The following GRIA2 variants were observed in gnomAD, a reference collection of about 807,000 sequenced individuals.
GRIA2 encodes glutamate ionotropic receptor AMPA type subunit 2.
A neutral mutation model predicts 97.3 loss-of-function variants in GRIA2; 14 were observed. The observed-to-expected ratio is 0.14, with a 90% CI of 0.10 to 0.23. GRIA2 has a LOEUF of 0.23. Ranked by LOEUF, GRIA2 falls within the 10% of genes least tolerant of loss-of-function variation. The pLI is 1.00. For synonymous variants in GRIA2, 412 were observed against 387.8 expected, an observed-to-expected ratio of 1.06 and a Z score of -0.73; for missense variants, 558 against 1,069.8, an observed-to-expected ratio of 0.52 and a Z score of 6.67.
At chr4:157,347,326 G>T (rs1348815862) in intron 12 of GRIA2, among the ~76,000 whole-genome samples, 1 of 152,124 alleles carries the variant, frequency 6.6e-6, no homozygotes, top group East Asian at 1.9e-4. Flanking sequence ...AATGTGCTCT[G>T]TAACCATGCA....
rs1239084402 is a variant in GRIA2 at position 157,334,036 on chromosome 4, A to G, written c.1182A>G (p.Lys394=). ...RKIGYWSEVD[K]MVVTLTELPS... ...TTGGCTACTGGAGTGAAGTGGACAA[A>G]ATGGTTGTTACCCTTACTGAGCTCC... Residue 394 remains lysine, a synonymous_variant, in exon 9 of 16, where the codon AAA becomes AAG. Transcript: ENST00000264426. 3.7e-6 allele frequency: 6 copies of G among 1,607,012 alleles called. No individual in the cohort carries two copies. Among genetic ancestry groups the G allele is most frequent in the Non-Finnish European group, 4.3e-6 (5 of 1,174,152 alleles).
At chr4:157,358,632 T>G (rs578163803) in intron 12 of GRIA2, among the ~76,000 whole-genome samples, 1 of 152,216 alleles carries the variant, frequency 6.6e-6, no homozygotes, top group South Asian at 2.1e-4. Context: ...TGAGCCTGTC[T>G]CAATACAACA....
At chr4:157,360,787 T>A (rs1369547471) in intron 13 of GRIA2, 2 of 604,362 alleles carry the variant, frequency 3.3e-6, no homozygotes, top group Non-Finnish European at 6.2e-6. Flanking sequence ...CTCCCCATAT[T>A]AGCACTCTTT....
intron 2 of GRIA2, among the ~76,000 whole-genome samples, chr4:157,295,652 C>A (rs1427846525): frequency 2.6e-5 from 4 of 151,964 alleles, no homozygotes; most frequent in Non-Finnish European, 5.9e-5. Flanking sequence ...AAAGAATTTG[C>A]CCCAGTGGAA....
chr4:157,330,991 C>G (rs532611953), intron 6 of GRIA2, among the ~76,000 whole-genome samples: 1 of 151,790 alleles, frequency 6.6e-6, no homozygotes, highest in Non-Finnish European at 1.5e-5. Context: ...ATTTAACTAT[C>G]CAATCAAAAA....
intron 6 of GRIA2, among the ~76,000 whole-genome samples, chr4:157,325,976 A>T (rs1734787345): frequency 6.6e-6 from 1 of 152,028 alleles, no homozygotes; most frequent in Admixed American, 6.6e-5. Context: ...ATGTCTCTCC[A>T]TTTCACTTGG....
At chr4:157,227,064 T>A (rs1351917079) in intron 2 of GRIA2, among the ~76,000 whole-genome samples, 1 of 152,138 alleles carries the variant, frequency 6.6e-6, no homozygotes, top group Non-Finnish European at 1.5e-5. Flanking sequence ...GTTGAAATAT[T>A]CTATTTTGAG....
chr4:157,359,764 T>C (rs2126998109), intron 12 of GRIA2, 132 bp from the exon 13 acceptor site: 1 of 729,556 alleles, frequency 1.4e-6, no homozygotes, highest in South Asian at 2.0e-5. Flanking sequence ...TGAAAAAAAT[T>C]GTTGAAAGAT....
intron 2 of GRIA2, among the ~76,000 whole-genome samples, chr4:157,268,834 A>C (rs1250921506): frequency 6.6e-6 from 1 of 152,066 alleles, no homozygotes; most frequent in Non-Finnish European, 1.5e-5. Flanking sequence ...AAAAAATAGA[A>C]AGAATTTAAA....
intron 12 of GRIA2, among the ~76,000 whole-genome samples, chr4:157,350,507 A>C (rs1231741220): frequency 6.6e-6 from 1 of 152,032 alleles, no homozygotes; most frequent in Non-Finnish European, 1.5e-5. Flanking sequence ...TCCAAAAATT[A>C]AGATTTCAGA....
At chr4:157,312,930 C>T in intron 4 of GRIA2, 55 bp downstream of exon 4, 1 of 1,034,862 alleles carries the variant, frequency 9.7e-7, no homozygotes, top group Non-Finnish European at 1.4e-6. Context: ...CATGCAATGT[C>T]AGCATTTGCA....
At chr4:157,328,634 G>A (rs1362941830) in intron 6 of GRIA2, among the ~76,000 whole-genome samples, 1 of 151,928 alleles carries the variant, frequency 6.6e-6, no homozygotes, top group Non-Finnish European at 1.5e-5. Context: ...ACAATGCCTT[G>A]ATTTCAGCAT....
chr4:157,233,074 T>A (rs1167005652), intron 2 of GRIA2, among the ~76,000 whole-genome samples: 1 of 152,206 alleles, frequency 6.6e-6, no homozygotes, highest in African/African-American at 2.4e-5. Flanking sequence ...GAGCACTTGC[T>A]ATTAGAGGCA....
intron 2 of GRIA2, among the ~76,000 whole-genome samples, chr4:157,288,889 G>T (rs1315829177): frequency 1.3e-5 from 2 of 151,824 alleles, no homozygotes; most frequent in African/African-American, 4.8e-5. Flanking sequence ...TTTGGGGTAT[G>T]TTATAGTGAT....
At chr4:157,265,594 A>G (rs569255336) in intron 2 of GRIA2, among the ~76,000 whole-genome samples, 8 of 152,118 alleles carry the variant, frequency 5.3e-5, no homozygotes, top group Admixed American at 1.3e-4. Flanking sequence ...GCTGCATTCT[A>G]TTGGCTAAGC....
At chr4:157,268,481 T>C (rs1434020315) in intron 2 of GRIA2, among the ~76,000 whole-genome samples, 1 of 152,000 alleles carries the variant, frequency 6.6e-6, no homozygotes, top group African/African-American at 2.4e-5. Flanking sequence ...AATATTTTAA[T>C]GAAAAATATG....
chr4:157,261,809 G>A (rs1328059152), intron 2 of GRIA2, among the ~76,000 whole-genome samples: 7 of 152,114 alleles, frequency 4.6e-5, no homozygotes. Context: ...TCAAAGCAGT[G>A]TATAATATTG....
At chr4:157,310,986 T>C (rs1005158265) in intron 3 of GRIA2, among the ~76,000 whole-genome samples, 1 of 152,092 alleles carries the variant, frequency 6.6e-6, no homozygotes, top group African/African-American at 2.4e-5. Context: ...GAGACATATC[T>C]CTGTTATCTC....
chr4:157,355,900 T>C (rs1215406470), intron 12 of GRIA2, among the ~76,000 whole-genome samples: 3 of 3,434 alleles, frequency 8.7e-4, no homozygotes, highest in Non-Finnish European at 2.2e-3. Flanking sequence ...TATTTATATA[T>C]AAATATATAT....
Sources: gnomAD v4.1 joint callset for allele counts (sites outside exome capture counted in the v4.1 genomes callset) on GRCh38, gnomAD v4.1.1 for gene constraint, MANE v1.5 for transcripts, NCBI Gene and HGNC (gene_info 2026-07-23, HGNC 2026-07-21) for gene names.